NIN: variants seen among roughly 807,000 people sequenced by gnomAD.
The protein encoded by NIN is glycogen synthase kinase 3 beta-interacting protein.
Under a neutral mutation model 257.6 loss-of-function variants are expected in NIN, and 137 were observed. The observed-to-expected ratio is 0.53, with a 90% CI of 0.46 to 0.61. The LOEUF is 0.61. NIN is among the 20% of genes least tolerant of loss of function. NIN has a pLI of 0.00. For synonymous variants in NIN, 918 were observed against 919.8 expected (o/e 1.00, Z 0.04); for missense variants, 2,439 against 2,501.2 (o/e 0.98, Z 0.53).
intron 5 of NIN, 137 bp from the exon 6 acceptor site, chr14:50,778,941 G>T: frequency 2.3e-6 from 2 of 860,472 alleles, no homozygotes; most frequent in Non-Finnish European, 3.8e-6. Flanking sequence ...ACTCTCTAGT[G>T]TATCCATCTA....
intron 29 of NIN, chr14:50,727,223 A>G: frequency 1.1e-6 from 1 of 935,290 alleles, no homozygotes; most frequent in Non-Finnish European, 1.3e-6. Context: ...AGGAAAAACA[A>G]AGGCAGTCAT....
intron 25 of NIN, among the ~76,000 whole-genome samples, chr14:50,739,760 T>C (rs1488877930): frequency 6.6e-6 from 1 of 152,260 alleles, no homozygotes; most frequent in African/African-American, 2.4e-5. Context: ...AATATGACTG[T>C]AGGGCAAGGC....
At chr14:50,725,024 C>T (rs932498609) in intron 30 of NIN, among the ~76,000 whole-genome samples, 3 of 152,120 alleles carry the variant, frequency 2.0e-5, no homozygotes, top group African/African-American at 2.4e-5. Flanking sequence ...TCCCTGTGCC[C>T]ACGGCAGGAC....
chr14:50,780,064 G>A (rs892703757), intron 5 of NIN, among the ~76,000 whole-genome samples: 9 of 152,194 alleles, frequency 5.9e-5, no homozygotes, highest in African/African-American at 7.2e-5. Context: ...GGTCAGGACC[G>A]AAATCCAGCC....
intron 4 of NIN, among the ~76,000 whole-genome samples, chr14:50,796,164 C>T (rs1435805994): frequency 6.6e-6 from 1 of 152,112 alleles, no homozygotes; most frequent in African/African-American, 2.4e-5. Context: ...GGCATCACTA[C>T]AAAAATTAAA....
At chr14:50,735,469 G>A (rs1017367547) in intron 28 of NIN, 47 bp downstream of exon 28, 6 of 1,593,774 alleles carry the variant, frequency 3.8e-6, no homozygotes, top group Non-Finnish European at 5.1e-6. Context: ...CCTCATTCAT[G>A]GATTAACATA....
chr14:50,792,491 C>T (rs555970098), intron 5 of NIN: 72 of 560,978 alleles, frequency 1.3e-4, no homozygotes, highest in African/African-American at 1.1e-3. Flanking sequence ...GACGCATGCA[C>T]AGAAATGTCA....
At chr14:50,740,643 T>G (rs2041239741) in intron 25 of NIN, among the ~76,000 whole-genome samples, 1 of 151,950 alleles carries the variant, frequency 6.6e-6, no homozygotes, top group Admixed American at 6.6e-5. Context: ...CCACCATGCC[T>G]GGCCATTTTT....
intron 4 of NIN, among the ~76,000 whole-genome samples, chr14:50,799,918 T>G (rs1046679818): frequency 2.0e-5 from 3 of 151,862 alleles, no homozygotes; most frequent in African/African-American, 7.3e-5. Context: ...GAGGTTGCAG[T>G]GAGCCGAGAT....
rs1230079166 is a variant in NIN at position 50,756,793 on chromosome 14, G to A, written c.4237C>T (p.His1413Tyr). The A allele has an allele frequency of 3.2e-6, 5 of 1,551,578 alleles. No individual in the cohort carries two copies. The highest frequency in any genetic ancestry group is 2.4e-5 in the East Asian group (1 of 40,920). Residue 1413 changes from histidine to tyrosine, a missense_variant, in exon 18 of 31, where the codon CAT becomes TAT. This residue lies in a region of NIN where 2,043 missense variants were observed against 2,050.2 expected (regional missense o/e 1.00). Transcript: ENST00000530997. The part of the protein sequence containing the change: ...KVKAHEIAWL[H>Y]GTIQTHQERP... ...TCTTGATGTGTCTGAATTGTTCCAT[G>A]TAACCAGGCAATTTCATGTGCTTTT...
At chr14:50,748,174 T>C in intron 21 of NIN, 69 bp from the exon 22 acceptor site, 1 of 943,812 alleles carries the variant, frequency 1.1e-6, no homozygotes, top group Non-Finnish European at 1.7e-6. Context: ...ACCAGGTTCA[T>C]AAAAGGCCAT....
intron 5 of NIN, among the ~76,000 whole-genome samples, chr14:50,787,557 C>T (rs770645472): frequency 6.6e-6 from 1 of 152,160 alleles, no homozygotes; most frequent in Non-Finnish European, 1.5e-5. Flanking sequence ...CTTTGTTAGT[C>T]TGGATTAATT....
Position 50,738,156 on chromosome 14 carries a change from G to C in NIN, c.5759C>G (p.Ser1920Cys). 1 of 1,614,114 alleles carries C rather than the reference G, an allele frequency of 6.2e-7. No homozygotes were observed. Among genetic ancestry groups the C allele is most frequent in the Non-Finnish European group, 8.5e-7 (1 of 1,180,004 alleles). ...AAAACTCACCTTCCTGTTAGCAGGA[G>C]ATTGTTCTTTCTGAAACTGATCACA... Reference protein sequence around the residue: ...RECDQFQKEQSPANRKVSQMN... With the variant: ...RECDQFQKEQCPANRKVSQMN... Residue 1920 changes from serine (S) to cysteine (C), a missense_variant, in exon 27 of 31, where the codon TCT (serine) becomes TGT (cysteine). Ser to Cys is a moderately radical substitution (Grantham distance 112, BLOSUM62 -1). This residue lies in a region of NIN where 2,043 missense variants were observed against 2,050.2 expected (regional missense o/e 1.00). Coordinates refer to ENST00000530997, the MANE Select transcript of NIN (RefSeq NM_020921.4).
At chr14:50,782,652 T>C (rs1194535384) in intron 5 of NIN, among the ~76,000 whole-genome samples, 1 of 152,252 alleles carries the variant, frequency 6.6e-6, no homozygotes, top group African/African-American at 2.4e-5. Flanking sequence ...CTGTTATAAA[T>C]GTTGTTTATG....
At chr14:50,729,890 G>C (rs966279773) in intron 28 of NIN, among the ~76,000 whole-genome samples, 167 bp from the exon 29 acceptor site, 15 of 152,220 alleles carry the variant, frequency 9.9e-5, no homozygotes, top group Admixed American at 9.8e-4. Context: ...ACAGAAATGA[G>C]AAAAGCTATT....
chr14:50,811,399 G>A (rs1007084832), intron 3 of NIN, among the ~76,000 whole-genome samples: 4 of 152,008 alleles, frequency 2.6e-5, no homozygotes, highest in Non-Finnish European at 5.9e-5. Flanking sequence ...GTGAGCCATC[G>A]CGCCCGGCCT....
At chr14:50,726,280 A>G (rs1219450700) in intron 29 of NIN, 1 of 485,088 alleles carries the variant, frequency 2.1e-6, no homozygotes, top group Non-Finnish European at 3.7e-6. Context: ...TGAAAAATCA[A>G]AAGAATCTTA....
chr14:50,757,008 T>A lies in NIN; in HGVS notation c.4022A>T (p.Gln1341Leu). ...KIEKLQESVVQRCDCCLWEAS... is the reference protein window; with the variant it reads ...KIEKLQESVVLRCDCCLWEAS... ...TTCCCATAAGCAGCAGTCACACCGCTGGACCACGCTTTCCTGAAGCTTCTC... is the reference window on the plus strand; with the variant it reads ...TTCCCATAAGCAGCAGTCACACCGCAGGACCACGCTTTCCTGAAGCTTCTC... Residue 1341 changes from glutamine (Q) to leucine (L), a missense_variant, in exon 18 of 31, where the codon CAG (glutamine) becomes CTG (leucine). Around this residue, in one of 3 missense-constraint regions of NIN, gnomAD observed 2,043 missense variants for 2,050.2 expected, o/e 1.00. Transcript: ENST00000530997. The A allele has an allele frequency of 6.2e-7, 1 of 1,613,218 alleles. No individual in the cohort carries two copies. The highest frequency in any genetic ancestry group is 8.5e-7 in the Non-Finnish European group (1 of 1,179,668).
Position 50,772,395 on chromosome 14 carries a change from G to C in NIN, c.887C>G (p.Ser296Cys), listed in dbSNP as rs1487396084. 6.2e-7 allele frequency: 1 copy of C among 1,614,052 alleles called. No homozygotes were observed. Among genetic ancestry groups the C allele is most frequent in the African/African-American group, 1.3e-5 (1 of 74,916 alleles). Residue 296 changes from serine to cysteine, a missense_variant, in exon 9 of 31, where the codon TCC (serine) becomes TGC (cysteine). Around this residue, in one of 3 missense-constraint regions of NIN, gnomAD observed 387 missense variants for 427.3 expected, o/e 0.91. Transcript: ENST00000530997. The stretch of plus-strand genomic sequence containing the variant: ...ATGGCCCATCCCATCATCCAGGCAG[G>C]AGAAGACCCGAAAGCCAATGGTACT... ...MTSTIGFRVF[S>C]CLDDGMGHAS...
Sources: gnomAD v4.1 joint callset for allele counts (sites outside exome capture counted in the v4.1 genomes callset) on GRCh38, gnomAD v4.1.1 for gene constraint, gnomAD v4.1.1 regional missense constraint, MANE v1.5 for transcripts, NCBI Gene and HGNC (gene_info 2026-07-23, HGNC 2026-07-21) for gene names.